The following CFAP99 variants were observed in gnomAD, a reference collection of about 807,000 sequenced individuals.
The protein encoded by CFAP99 is cilia and flagella associated protein 99.
A neutral mutation model predicts 82.7 loss-of-function variants in CFAP99; 84 were observed. The ratio of observed to expected loss-of-function variants is 1.02; its 90% CI spans 0.85 to 1.22. The LOEUF is 1.22. Among genes scored for constraint, CFAP99 ranks in the 50% most tolerant of loss-of-function variants. The pLI is 0.00. For missense variants in CFAP99, 1,059 were observed against 983.5 expected, an observed-to-expected ratio of 1.08 and a Z score of -1.03; for synonymous variants, 456 against 429.5, an observed-to-expected ratio of 1.06 and a Z score of -0.76.
chr4:2,426,526 A>G, exon 2 of CFAP99: 1 of 1,535,986 alleles, frequency 6.5e-7, no homozygotes, highest in African/African-American at 1.4e-5. Flanking sequence ...AACTCGACAA[A>G]TTTACACCCA....
At chr4:2,449,546 C>A (rs1734250971) in intron 6 of CFAP99, 124 bp from the exon 7 acceptor site, 1 of 818,398 alleles carries the variant, frequency 1.2e-6, no homozygotes, top group Admixed American at 2.2e-5. Context: ...TGTTTCTCCT[C>A]CAATGCAGGC....
In CFAP99 at chr4:2,445,196, CT is replaced by C; in HGVS notation, c.533del (p.Leu178Ter). The stretch of plus-strand genomic sequence containing the variant: ...GGCGTGTCTGCCAGTCAATCCTCTC[CT>C]TTAAAGACCAAGGCCAAGGTCACAG... On this transcript the variant is annotated frameshift_variant, in exon 6 of 15. Coordinates refer to ENST00000635017, the Ensembl canonical transcript of CFAP99. LOFTEE classifies it high-confidence loss of function. 2.7e-6 allele frequency: 4 copies of C among 1,456,220 alleles called. No homozygotes were observed. Among genetic ancestry groups the C allele is most frequent in the Non-Finnish European group, 3.6e-6 (4 of 1,108,176 alleles). 90.2% of individuals were successfully genotyped at this position (1,456,220 alleles called of 1,614,324 possible).
intron 4 of CFAP99, among the ~76,000 whole-genome samples, chr4:2,440,785 A>G (rs1175157702): frequency 1.4e-4 from 21 of 149,840 alleles, no homozygotes; most frequent in African/African-American, 3.4e-4. Flanking sequence ...TAGTAGAGAC[A>G]GGGTTTCACC....
At position 2,429,973 on chromosome 4, in the gene CFAP99, C is replaced by T. The variant is rs189360358; in HGVS notation, c.111+3387C>T. On this transcript the variant is annotated intron_variant, in intron 2 of 14. Transcript: ENST00000635017. ...TGATCCAGTTTGGACAACTCGCTTT[C>T]CTCTCCAGCTATCAAGAAATTGTTG... is the stretch of plus-strand genomic sequence containing the variant. 2.6e-3 allele frequency among the ~76,000 whole-genome samples: 403 copies of T among 152,362 alleles called. 3 individuals carry two copies. Among genetic ancestry groups the T allele is most frequent in the African/African-American group, 8.9e-3 (371 of 41,576 alleles).
At chr4:2,427,052 TG>T (rs1278726119) in intron 2 of CFAP99, 1 of 180,698 alleles carries the variant, frequency 5.5e-6, no homozygotes, top group African/African-American at 2.3e-5. Context: ...AGGCAGGGGC[TG>T]GCCTGGGCAG....
At chr4:2,454,581 C>CTTTTTTTTTTTTTCTTTTTTT in intron 11 of CFAP99, among the ~76,000 whole-genome samples, 1 of 94,722 alleles carries the variant, frequency 1.1e-5, no homozygotes, top group Non-Finnish European at 2.1e-5. Flanking sequence ...TGTTTTTTTT[C>CTTTTTTTTTTTTTCTTTTTTT]TTTTTTTTTT....
intron 8 of CFAP99, 137 bp downstream of exon 8, chr4:2,450,142 T>G: frequency 1.2e-6 from 1 of 861,288 alleles, no homozygotes; most frequent in East Asian, 2.7e-5. Flanking sequence ...GGATTCCCAG[T>G]AGCACTGGGA....
intron 4 of CFAP99, among the ~76,000 whole-genome samples, chr4:2,442,474 C>T (rs1472353855): frequency 1.3e-5 from 2 of 152,048 alleles, no homozygotes; most frequent in South Asian, 2.1e-4. Flanking sequence ...CCTGGGGAGG[C>T]ACAGCAGTGA....
intron 6 of CFAP99, among the ~76,000 whole-genome samples, chr4:2,445,860 C>T (rs1315823615): frequency 6.6e-6 from 1 of 152,212 alleles, no homozygotes; most frequent in Non-Finnish European, 1.5e-5. Flanking sequence ...GACCAGGGTT[C>T]CAGCTCTGCT....
At chr4:2,439,390 C>A (rs1733986344) in intron 4 of CFAP99, among the ~76,000 whole-genome samples, 1 of 152,150 alleles carries the variant, frequency 6.6e-6, no homozygotes, top group Non-Finnish European at 1.5e-5. Flanking sequence ...GTGGGAAAGC[C>A]CCTGGGCCCA....
At chr4:2,452,174 T>C (rs1395498844) in exon 11 of CFAP99, 2 of 1,536,004 alleles carry the variant, frequency 1.3e-6, no homozygotes, top group African/African-American at 1.4e-5. Context: ...GCTGGGGACT[T>C]CTCTGAGTTC....
intron 3 of CFAP99, 63 bp downstream of exon 3, chr4:2,437,081 A>G (rs1733932463): frequency 6.6e-7 from 1 of 1,525,214 alleles, no homozygotes; most frequent in African/African-American, 1.4e-5. Flanking sequence ...CTCTCTGCGG[A>G]AAGGCCTGGC....
chr4:2,455,682 G>A (rs548541694), intron 11 of CFAP99, among the ~76,000 whole-genome samples: 49 of 152,136 alleles, frequency 3.2e-4, no homozygotes, highest in African/African-American at 9.2e-4. Flanking sequence ...GAGTGAGACC[G>A]TCTCAAATAA....
intron 2 of CFAP99, among the ~76,000 whole-genome samples, chr4:2,434,127 C>T (rs1733859457): frequency 6.6e-6 from 1 of 152,150 alleles, no homozygotes; most frequent in Non-Finnish European, 1.5e-5. Context: ...TTGGCAGGGG[C>T]AGGCTTGGGC....
chr4:2,436,813 C>A, intron 2 of CFAP99, 61 bp from the exon 3 acceptor site: 4 of 1,400,714 alleles, frequency 2.9e-6, no homozygotes, highest in Non-Finnish European at 3.9e-6. Context: ...GTGTCCCACC[C>A]CCACCGCCGC....
rs1734172170 is a variant in CFAP99, at chr4:2,446,623, C to T, written c.642+1315C>T. Among the ~76,000 whole-genome samples the T allele has an allele frequency of 6.6e-6, 1 of 152,190 alleles. No individual in the cohort carries two copies. The highest frequency in any genetic ancestry group is 2.4e-5 in the African/African-American group (1 of 41,444). ...GGCCGGGCTGGTCCCTAACTGACCT[C>T]AGGTGATCTGCCCACCTAGGCCTCC... On this transcript the variant is annotated intron_variant, in intron 6 of 14. Coordinates refer to ENST00000635017, the Ensembl canonical transcript of CFAP99. This position sits in a 1 kb window ranked among gnomAD's most constrained non-coding sequence, Gnocchi z 5.0.
intron 4 of CFAP99, among the ~76,000 whole-genome samples, chr4:2,441,802 T>C (rs1734047938): frequency 6.6e-6 from 1 of 152,218 alleles, no homozygotes; most frequent in Admixed American, 6.5e-5. Flanking sequence ...AGCAAGCTAC[T>C]GGGACGCCAC....
chr4:2,425,723 G>A (rs1027337863), intron 1 of CFAP99, among the ~76,000 whole-genome samples: 3 of 152,164 alleles, frequency 2.0e-5, no homozygotes, highest in Non-Finnish European at 1.5e-5. Flanking sequence ...CCTCCTCTGA[G>A]GATAGTTTGG....
At chr4:2,420,631 G>A (rs939329219) in intron 1 of CFAP99, among the ~76,000 whole-genome samples, 1 of 152,118 alleles carries the variant, frequency 6.6e-6, no homozygotes, top group African/African-American at 2.4e-5. Context: ...GGGAAGTGGG[G>A]TATCAGTTAG....
Sources: gnomAD v4.1 joint callset for allele counts (sites outside exome capture counted in the v4.1 genomes callset) on GRCh38, gnomAD v4.1.1 for gene constraint, Gnocchi (gnomAD v3.1) non-coding constraint, MANE v1.5 for transcripts, NCBI Gene and HGNC (gene_info 2026-07-23, HGNC 2026-07-21) for gene names.